Variants in PRKCE observed in about 807,000 individuals in gnomAD.
PRKCE encodes protein kinase C epsilon type.
In PRKCE, 16 loss-of-function variants were observed where a neutral mutation model predicts 85.4. That is an observed-to-expected ratio of 0.19 (90% CI 0.13 to 0.28). The LOEUF is 0.28. PRKCE is among the 10% of genes least tolerant of loss of function. The probability of loss-of-function intolerance (pLI) is 1.00; values close to 1 mark genes in which losing one functional copy is unlikely to be tolerated. For missense variants in PRKCE, 573 were observed against 975.2 expected, an observed-to-expected ratio of 0.59 and a Z score of 5.49; for synonymous variants, 388 against 371.5, an observed-to-expected ratio of 1.04 and a Z score of -0.51.
chr2:45,920,406 C>T (rs1486088651), intron 2 of PRKCE, among the ~76,000 whole-genome samples: 1 of 152,220 alleles, frequency 6.6e-6, no homozygotes, highest in African/African-American at 2.4e-5. Context: ...AGCAGTTCCA[C>T]TCCTAGGTAT....
intron 10 of PRKCE, 151 bp downstream of exon 10, chr2:46,010,668 G>A (rs1242691875): frequency 1.3e-6 from 2 of 1,598,824 alleles, no homozygotes; most frequent in Admixed American, 1.7e-5. Context: ...TATTTGAACA[G>A]CATCTTCTTT....
At chr2:46,144,129 A>G (rs137878098) in intron 11 of PRKCE, among the ~76,000 whole-genome samples, 2,578 of 152,272 alleles carry the variant, frequency 0.017, 35 homozygotes, top group Middle Eastern at 0.031. Flanking sequence ...CCAGAACCCC[A>G]AAGTGTAAAA....
At chr2:45,919,303 G>T (rs529377034) in intron 2 of PRKCE, among the ~76,000 whole-genome samples, 6 of 152,326 alleles carry the variant, frequency 3.9e-5, no homozygotes, top group African/African-American at 1.4e-4. Flanking sequence ...GGGAAGGCTG[G>T]GCTGGGCCGT....
chr2:45,853,253 G>C (rs1286896501), intron 2 of PRKCE, among the ~76,000 whole-genome samples: 1 of 152,042 alleles, frequency 6.6e-6, no homozygotes, highest in African/African-American at 2.4e-5. Context: ...TTTCATTCTG[G>C]CTTTCATAGT....
At chr2:46,017,066 T>C (rs1275892000) in intron 10 of PRKCE, among the ~76,000 whole-genome samples, 1 of 151,150 alleles carries the variant, frequency 6.6e-6, no homozygotes, top group Non-Finnish European at 1.5e-5. Flanking sequence ...ATACACATAA[T>C]ATAAAACGTG....
chr2:45,780,881 C>T (rs896943955), intron 1 of PRKCE, among the ~76,000 whole-genome samples: 3 of 152,206 alleles, frequency 2.0e-5, no homozygotes, highest in Non-Finnish European at 4.4e-5. Flanking sequence ...TCTCAGCTAG[C>T]TCATCCCGTT....
At chr2:45,940,806 C>T (rs2104206342) in intron 2 of PRKCE, among the ~76,000 whole-genome samples, 1 of 152,114 alleles carries the variant, frequency 6.6e-6, no homozygotes, top group Admixed American at 6.5e-5. Context: ...TGCCTGTAAT[C>T]CTAGCACTTT....
chr2:46,114,564 C>T (rs1339055782), intron 11 of PRKCE, among the ~76,000 whole-genome samples: 2 of 151,810 alleles, frequency 1.3e-5, no homozygotes, highest in Admixed American at 6.6e-5. Context: ...ACTACAGGCA[C>T]CCGCCACCAC....
rs570260629 is a variant in PRKCE at position 45,713,085 on chromosome 2, C to T, written c.348+60637C>T. Among the ~76,000 whole-genome samples, 23 of 152,322 alleles carry T rather than the reference C, an allele frequency of 1.5e-4. No homozygotes were observed. The East Asian group carries it at 4.4e-3, about 29-fold the overall frequency. ...TGGTGCTGACTTGCAGTGCTGTCCT[C>T]CATAAGCTAGCTTATCTCCCTGGGC... is the stretch of plus-strand genomic sequence containing the variant. On this transcript the variant is annotated intron_variant, in intron 1 of 14. Transcript: ENST00000306156.
chr2:46,123,974 A>C (rs2104355858), intron 11 of PRKCE, among the ~76,000 whole-genome samples: 1 of 152,348 alleles, frequency 6.6e-6, no homozygotes, highest in Admixed American at 6.5e-5. Context: ...GCATGTGTCA[A>C]ACAATTTCAC....
At chr2:46,178,120 C>T (rs1007573559) in intron 14 of PRKCE, among the ~76,000 whole-genome samples, 23 of 152,162 alleles carry the variant, frequency 1.5e-4, no homozygotes, top group African/African-American at 5.3e-4. Flanking sequence ...GCTAGCCAGG[C>T]GTGGTGGCAC....
At position 46,037,016 on chromosome 2, in the gene PRKCE, G is replaced by A. The variant is rs774191012; in HGVS notation, c.1437+26499G>A. On this transcript the variant is annotated intron_variant, in intron 10 of 14. Coordinates refer to ENST00000306156, the MANE Select transcript of PRKCE (RefSeq NM_005400.3). ...AGAAGCTCCCAGCAGCTGCCAGGAC[G>A]GACCCTCCTCCTCGCCTGCCTTCCC... 9.8e-5 allele frequency among the ~76,000 whole-genome samples: 15 copies of A among 152,286 alleles called. No individual in the cohort carries two copies. The East Asian group carries it at 1.2e-3, about 12-fold the overall frequency.
chr2:45,772,156 G>T (rs1028664243), intron 1 of PRKCE, among the ~76,000 whole-genome samples: 1 of 152,032 alleles, frequency 6.6e-6, no homozygotes, highest in African/African-American at 2.4e-5. Flanking sequence ...CAGACATGCT[G>T]GTGCCTAATT....
In PRKCE at chr2:45,858,125, C is replaced by G. The variant is rs562074860; in HGVS notation, c.412+15062C>G. ...GGCAGAGTGGCTGGAGCTTAGAAGACAGACTTCACCTGCTTAATTACAGAT... is the reference window on the plus strand; with the variant it reads ...GGCAGAGTGGCTGGAGCTTAGAAGAGAGACTTCACCTGCTTAATTACAGAT... On this transcript the variant is annotated intron_variant, in intron 2 of 14. Coordinates refer to ENST00000306156, the MANE Select transcript of PRKCE (RefSeq NM_005400.3). Among the ~76,000 whole-genome samples the G allele has an allele frequency of 2.0e-5, 3 of 152,348 alleles. No homozygotes were observed. The East Asian group carries it at 5.8e-4, about 29-fold the overall frequency.
At chr2:45,875,705 G>A (rs772147462) in intron 2 of PRKCE, among the ~76,000 whole-genome samples, 1 of 152,198 alleles carries the variant, frequency 6.6e-6, no homozygotes, top group Non-Finnish European at 1.5e-5. Context: ...CTTTGTTGGG[G>A]TGGTGAGCTC....
intron 1 of PRKCE, among the ~76,000 whole-genome samples, chr2:45,742,687 T>C (rs1381438999): frequency 2.6e-5 from 4 of 152,292 alleles, no homozygotes; most frequent in East Asian, 1.9e-4. Flanking sequence ...CTTTACATTG[T>C]TGGTGATAAT....
chr2:45,949,602 G>T (rs1356374187), intron 2 of PRKCE, among the ~76,000 whole-genome samples: 2 of 151,144 alleles, frequency 1.3e-5, no homozygotes, highest in African/African-American at 4.9e-5. Context: ...TTTGCTTTCT[G>T]TTTAATAAAT....
chr2:45,817,382 A>T (rs1689146900), intron 1 of PRKCE, among the ~76,000 whole-genome samples: 1 of 152,170 alleles, frequency 6.6e-6, no homozygotes, highest in Non-Finnish European at 1.5e-5. Context: ...TCTTATCATG[A>T]ATCAAATACT....
At chr2:45,995,128 A>G (rs565898088) in intron 6 of PRKCE, among the ~76,000 whole-genome samples, 2 of 152,110 alleles carry the variant, frequency 1.3e-5, no homozygotes, top group South Asian at 4.2e-4. Flanking sequence ...CCATTGGGTT[A>G]TTCATTTTGT....
Sources: allele counts gnomAD v4.1 joint callset (sites outside exome capture counted in the v4.1 genomes callset), GRCh38; gene constraint gnomAD v4.1.1; transcripts MANE v1.5; gene names NCBI Gene and HGNC (gene_info 2026-07-23, HGNC 2026-07-21).